FARSA: variants seen among roughly 807,000 people sequenced by gnomAD.
FARSA encodes phenylalanine--tRNA ligase alpha subunit.
A neutral mutation model predicts 63.2 loss-of-function variants in FARSA; 37 were observed. The ratio of observed to expected loss-of-function variants is 0.59; its 90% CI spans 0.45 to 0.77. FARSA has a LOEUF of 0.77. FARSA is among the 30% of genes least tolerant of loss of function. The pLI is 0.00. For missense variants in FARSA, 618 were observed against 696.6 expected (o/e 0.89, Z 1.27); for synonymous variants, 312 against 285.1 (o/e 1.09, Z -0.95).
intron 1 of FARSA, among the ~76,000 whole-genome samples, chr19:12,932,211 T>C (rs2146002202): frequency 6.6e-6 from 1 of 152,114 alleles, no homozygotes; most frequent in East Asian, 1.9e-4. Context: ...TTTTGTATTT[T>C]TAGTAGAGAC....
rs1971298280 is a variant in FARSA, at chr19:12,924,195, A to G, written c.1344T>C (p.Leu448=). 6.2e-7 allele frequency: 1 copy of G among 1,614,176 alleles called. No individual in the cohort carries two copies. The highest frequency in any genetic ancestry group is 1.3e-5 in the African/African-American group (1 of 75,048). The change falls in exon 12 of 13, where the codon CTT becomes CTC. Residue 448 remains leucine, a synonymous_variant. Transcript: ENST00000314606. This position sits in a 1 kb window ranked among gnomAD's most constrained non-coding sequence, Gnocchi z 6.4. ...FRPEMLLPMG[L]PENVSVIAWG... ...AGGCAATGACCGACACGTTCTCGGG[A>G]AGCCCCATGGGCAGCAGCATCTCTG...
chr19:12,928,023 CAAAAAAAAAAAAAAA>C (rs34586259), intron 7 of FARSA, among the ~76,000 whole-genome samples: 1 of 73,384 alleles, frequency 1.4e-5, no homozygotes, highest in Admixed American at 2.1e-4. Context: ...GACCCTGTCT[CAAAAAAAAAAAAAAA>C]AAAAAAAAAG....
At chr19:12,923,997 T>C (rs553808041) in intron 12 of FARSA, among the ~76,000 whole-genome samples, 154 bp downstream of exon 12, 1 of 152,356 alleles carries the variant, frequency 6.6e-6, no homozygotes, top group South Asian at 2.1e-4. Context: ...AGCTGTCATG[T>C]TCACAGCACG....
Position 12,930,310 on chromosome 19 carries a change from C to T in FARSA, c.416G>A (p.Arg139Gln), listed in dbSNP as rs199824396. 512 of 1,613,996 alleles carry T rather than the reference C, an allele frequency of 3.2e-4. 1 individual carries two copies. Among genetic ancestry groups the T allele is most frequent in the Non-Finnish European group, 4.0e-4 (475 of 1,180,010 alleles). Residue 139 changes from arginine to glutamine, a missense_variant, in exon 4 of 13, where the codon CGG (arginine) becomes CAG (glutamine). Transcript: ENST00000314606. The stretch of plus-strand genomic sequence containing the variant: ...CTGTCCCCCCCGGACCAGCTGGAGC[C>T]GCCGCTGCACCTCATCCTCCATGCT... ...VDSMEDEVQR[R>Q]LQLVRGGQAE...
chr19:12,930,824 G>C (rs900293097), intron 1 of FARSA, 75 bp from the exon 2 acceptor site: 40 of 1,560,152 alleles, frequency 2.6e-5, no homozygotes, highest in Middle Eastern at 3.5e-4. Flanking sequence ...TGCAGCGCTG[G>C]GTCCCAGGTT....
At chr19:12,926,327 AGT>A (rs1478831082) in intron 7 of FARSA, among the ~76,000 whole-genome samples, 1 of 148,532 alleles carries the variant, frequency 6.7e-6, no homozygotes, top group Non-Finnish European at 1.5e-5. Context: ...GCTGGAGTGC[AGT>A]GGCATGATCT....
At chr19:12,922,962 C>T in intron 12 of FARSA, 76 bp from the exon 13 acceptor site, 1 of 1,596,744 alleles carries the variant, frequency 6.3e-7, no homozygotes, top group Non-Finnish European at 8.6e-7. Flanking sequence ...TGGCTCCCAT[C>T]TTCTTCAGAG....
In FARSA at chr19:12,924,854, C is replaced by T. The variant is rs748920650; in HGVS notation, c.1027-47G>A. ...GGCCCAGGTATGGGTCAGAAGGTCC[C>T]TTTGACAGCACCCTCTCCCCACTGG... On this transcript the variant is annotated intron_variant, in intron 9 of 12. Coordinates refer to ENST00000314606, the MANE Select transcript of FARSA (RefSeq NM_004461.3). The surrounding 1 kb of genome is among the most constrained non-coding windows in gnomAD (Gnocchi z 6.4). The T allele has an allele frequency of 1.2e-6, 2 of 1,613,972 alleles. No homozygotes were observed. Among genetic ancestry groups the T allele is most frequent in the Non-Finnish European group, 1.7e-6 (2 of 1,179,896 alleles).
At chr19:12,928,116 T>C (rs1971348221) in intron 7 of FARSA, among the ~76,000 whole-genome samples, 2 of 151,524 alleles carry the variant, frequency 1.3e-5, no homozygotes, top group South Asian at 2.1e-4. Flanking sequence ...TTTAACTCAA[T>C]TAATTTTTTT....
rs71168636 is a variant in FARSA, at chr19:12,927,729, CAAAAAA to C, written c.841+607_841+612del. 3.3e-4 allele frequency among the ~76,000 whole-genome samples: 10 copies of C among 30,652 alleles called. No homozygotes were observed. The East Asian group carries it at 6.7e-3, about 21-fold the overall frequency. The allele number at this position is 30,652 out of a possible 152,430, so 20.1% of individuals were successfully genotyped here. Reference sequence around the variant, plus strand: ...CTTGGGCGACAGAATGAGACTGTCTCAAAAAAAAAAAAAAAAAAAAAAAAAAGCCAG... The same window carrying C: ...CTTGGGCGACAGAATGAGACTGTCTCAAAAAAAAAAAAAAAAAAAAGCCAG... On this transcript the variant is annotated intron_variant, in intron 7 of 12. Transcript: ENST00000314606.
At chr19:12,927,049 G>A (rs774448704) in intron 7 of FARSA, among the ~76,000 whole-genome samples, 1 of 152,192 alleles carries the variant, frequency 6.6e-6, no homozygotes, top group African/African-American at 2.4e-5. Context: ...CCCCATTGTG[G>A]GAAGTCATTC....
chr19:12,924,691 A>C lies in FARSA; in HGVS notation c.1143T>G (p.Gly381=). Residue 381 remains glycine (G), a synonymous_variant, in exon 10 of 13, where the codon GGT becomes GGG. Coordinates refer to ENST00000314606, the MANE Select transcript of FARSA (RefSeq NM_004461.3). This position sits in a 1 kb window ranked among gnomAD's most constrained non-coding sequence, Gnocchi z 6.4. Reference sequence around the variant, plus strand: ...CGCCCATGAGGTGGCCCAAGGTGAGACCATGATCCGCCACCACGCCCTCGA... The same window carrying C: ...CGCCCATGAGGTGGCCCAAGGTGAGCCCATGATCCGCCACCACGCCCTCGA... ...HQIEGVVADH[G]LTLGHLMGVL... is the part of the protein sequence containing the mutation. 1 of 1,591,696 alleles carries C rather than the reference A, an allele frequency of 6.3e-7. No homozygotes were observed.
rs767214977 is a variant in FARSA at position 12,930,696 on chromosome 19, G to A, written c.201C>T (p.Gly67=). 32 of 1,613,042 alleles carry A rather than the reference G, an allele frequency of 2.0e-5. No individual in the cohort carries two copies. The highest frequency in any genetic ancestry group is 1.6e-4 in the Middle Eastern group (1 of 6,062). Residue 67 remains glycine (G), a synonymous_variant, in exon 2 of 13, where the codon GGC becomes GGT. Coordinates refer to ENST00000314606, the MANE Select transcript of FARSA (RefSeq NM_004461.3). ...STKHWELTAE[G]EEIAREGSHE... is the part of the protein sequence containing the mutation. ...GGCTGCCCTCCCGGGCAATCTCCTC[G>A]CCCTCCGCAGTAAGCTCCCAGTGCT...
At chr19:12,929,921 G>C (rs1444284753) in intron 4 of FARSA, among the ~76,000 whole-genome samples, 2 of 152,202 alleles carry the variant, frequency 1.3e-5, no homozygotes, top group Admixed American at 6.5e-5. Flanking sequence ...GACTAGGGGC[G>C]ATGGGCTTCA....
rs748549803 is a variant in FARSA, at chr19:12,930,290, C to A, written c.436G>T (p.Gly146Ter). The A allele has an allele frequency of 1.2e-6, 2 of 1,613,984 alleles. No individual in the cohort carries two copies. The highest frequency in any genetic ancestry group is 2.7e-5 in the African/African-American group (2 of 74,924). The change falls in exon 4 of 13, where the codon GGA becomes TGA. Residue 146 changes from glycine to a stop codon, truncating the protein, a stop_gained. Transcript: ENST00000314606. LOFTEE classifies it high-confidence loss of function. ...TTCTCCCCCAGCTTCTCAGCCTGTCCCCCCCGGACCAGCTGGAGCCGCCGC... is the reference window on the plus strand; with the variant it reads ...TTCTCCCCCAGCTTCTCAGCCTGTCACCCCCGGACCAGCTGGAGCCGCCGC... ...VQRRLQLVRG[G>*]QAEKLGEKER...
chr19:12,928,871 A>T (rs1239566709), intron 4 of FARSA, 24 bp from the exon 5 acceptor site: 4 of 1,605,394 alleles, frequency 2.5e-6, no homozygotes, highest in Admixed American at 1.7e-5. Context: ...AAGGAAGGGG[A>T]CGCCACTGCC....
intron 4 of FARSA, 32 bp from the exon 5 acceptor site, chr19:12,928,879 G>A: frequency 6.3e-7 from 1 of 1,592,016 alleles, no homozygotes; most frequent in Non-Finnish European, 8.6e-7. Context: ...GGACGCCACT[G>A]CCATCTCCTC....
At chr19:12,923,899 A>G (rs1343071449) in intron 12 of FARSA, among the ~76,000 whole-genome samples, 1 of 152,200 alleles carries the variant, frequency 6.6e-6, no homozygotes, top group African/African-American at 2.4e-5. Flanking sequence ...GGCATGAGCT[A>G]CCACGCCTGG....
In FARSA at chr19:12,924,630, C is replaced by A. The variant is rs755424612; in HGVS notation, c.1195+9G>T. ...CACCACCATGGCCCACCCCTGCCCC[C>A]CTGCTCACCCAGCTTGGTGAAGAAC... On this transcript the variant is annotated intron_variant, in intron 10 of 12. Transcript: ENST00000314606. The surrounding 1 kb of genome is among the most constrained non-coding windows in gnomAD (Gnocchi z 6.4). 2 of 1,607,460 alleles carry A rather than the reference C, an allele frequency of 1.2e-6. No individual in the cohort carries two copies. Among genetic ancestry groups the A allele is most frequent in the South Asian group, 2.2e-5 (2 of 90,238 alleles).
Sources: allele counts gnomAD v4.1 joint callset (sites outside exome capture counted in the v4.1 genomes callset), GRCh38; gene constraint gnomAD v4.1.1; non-coding constraint Gnocchi (gnomAD v3.1); transcripts MANE v1.5; gene names NCBI Gene and HGNC (gene_info 2026-07-23, HGNC 2026-07-21).